Variants in RPAP2 observed in about 807,000 individuals in gnomAD.
The protein encoded by RPAP2 is putative RNA polymerase II subunit B1 CTD phosphatase RPAP2.
RPAP2 carries 52 observed loss-of-function variants against 73.1 expected under a neutral mutation model. The observed-to-expected ratio is 0.71, with a 90% CI of 0.57 to 0.90. The LOEUF is 0.90. RPAP2 is among the 40% of genes least tolerant of loss of function. The pLI is 0.00. For synonymous variants in RPAP2, 225 were observed against 242.1 expected (o/e 0.93, Z 0.65); for missense variants, 598 against 701.8 (o/e 0.85, Z 1.67).
chr1:92,357,323 T>C (rs983992419), intron 11 of RPAP2, among the ~76,000 whole-genome samples: 1 of 152,130 alleles, frequency 6.6e-6, no homozygotes, highest in African/African-American at 2.4e-5. Flanking sequence ...CAAAATATTG[T>C]TGGGATTCAT....
chr1:92,308,354 G>A (rs1467000737), intron 6 of RPAP2, among the ~76,000 whole-genome samples: 4 of 152,166 alleles, frequency 2.6e-5, no homozygotes. Context: ...GGCATTGTTC[G>A]ACATGACTGG....
chr1:92,355,675 A>G (rs1654427439), intron 11 of RPAP2, among the ~76,000 whole-genome samples: 2 of 152,214 alleles, frequency 1.3e-5, no homozygotes. Flanking sequence ...ACTTTAGTTG[A>G]CATTATACAG....
chr1:92,381,879 CA>C (rs1655653898), intron 12 of RPAP2, among the ~76,000 whole-genome samples: 1 of 151,704 alleles, frequency 6.6e-6, no homozygotes, highest in Admixed American at 6.6e-5. Context: ...ATTAATTTGT[CA>C]TTTAACATTA....
Position 92,301,660 on chromosome 1 carries a change from C to T in RPAP2, c.234+70C>T, listed in dbSNP as rs561275024. The T allele has an allele frequency of 5.2e-6, 3 of 576,424 alleles. No individual in the cohort carries two copies. In the African/African-American group the frequency reaches 5.9e-5, roughly 11 times the overall value. The allele number at this position is 576,424 out of a possible 1,614,324, so 35.7% of individuals were successfully genotyped here. A position where few individuals can be genotyped will look rare whatever the true frequency, so the allele number is the denominator to read the frequency against. On this transcript the variant is annotated intron_variant, in intron 3 of 12. Coordinates refer to ENST00000610020, the MANE Select transcript of RPAP2 (RefSeq NM_024813.3). ...TTTAAATCTGTGCAGCATGAAACTTCTTTGCATTATTAGAATCTTTGAATT... is the reference window on the plus strand; with the variant it reads ...TTTAAATCTGTGCAGCATGAAACTTTTTTGCATTATTAGAATCTTTGAATT...
chr1:92,338,042 TTAC>T (rs1653376374), intron 10 of RPAP2, among the ~76,000 whole-genome samples: 1 of 152,218 alleles, frequency 6.6e-6, no homozygotes. Context: ...TTGAAAGTTA[TTAC>T]TGATTGTTTT....
chr1:92,343,194 T>C (rs1653695107), intron 10 of RPAP2, among the ~76,000 whole-genome samples: 1 of 152,132 alleles, frequency 6.6e-6, no homozygotes, highest in African/African-American at 2.4e-5. Context: ...AGTGAAAACC[T>C]GGTAAAGAAA....
chr1:92,336,656 A>G (rs1571082378), intron 10 of RPAP2, among the ~76,000 whole-genome samples: 1 of 152,288 alleles, frequency 6.6e-6, no homozygotes, highest in East Asian at 1.9e-4. Flanking sequence ...TTATTTACGG[A>G]ATAGCCTAAA....
chr1:92,397,659 A>G lies in RPAP2; in HGVS notation c.*10648A>G, dbSNP rs1265247838. The G allele has an allele frequency of 1.3e-5, 2 of 152,240 alleles. No individual in the cohort carries two copies. Among genetic ancestry groups the G allele is most frequent in the African/African-American group, 4.8e-5 (2 of 41,474 alleles). 9.4% of individuals were successfully genotyped at this position (152,240 alleles called of 1,614,324 possible). A position where few individuals can be genotyped will look rare whatever the true frequency, so the allele number is the denominator to read the frequency against. On this transcript the variant is annotated 3_prime_UTR_variant, in exon 13 of 13. Transcript: ENST00000610020. ...GTTTGGGAGGACTGAAGCAGAATTCAGTTCAAAGTACTGTGCTGGATTTTG... is the reference window on the plus strand; with the variant it reads ...GTTTGGGAGGACTGAAGCAGAATTCGGTTCAAAGTACTGTGCTGGATTTTG...
chr1:92,335,869 T>C (rs566050784), intron 9 of RPAP2, among the ~76,000 whole-genome samples: 6 of 152,146 alleles, frequency 3.9e-5, no homozygotes, highest in African/African-American at 1.4e-4. Flanking sequence ...TTTCCTTAGA[T>C]TAAATTTTTT....
intron 11 of RPAP2, among the ~76,000 whole-genome samples, chr1:92,361,384 T>C (rs1376243379): frequency 6.6e-6 from 1 of 152,176 alleles, no homozygotes; most frequent in African/African-American, 2.4e-5. Context: ...ATTCAGTGAA[T>C]ATTTGTTGAT....
At chr1:92,303,948 G>A (rs1174634232) in intron 3 of RPAP2, 29 bp from the exon 4 acceptor site, 1 of 1,453,744 alleles carries the variant, frequency 6.9e-7, no homozygotes, top group Admixed American at 1.9e-5. Context: ...ATTAAACTAG[G>A]AGGAAATAAC....
intron 11 of RPAP2, among the ~76,000 whole-genome samples, chr1:92,357,641 T>C (rs183245681): frequency 6.6e-6 from 1 of 152,292 alleles, no homozygotes; most frequent in Admixed American, 6.5e-5. Context: ...AAGTGATTCT[T>C]GTGCCTCATC....
intron 11 of RPAP2, among the ~76,000 whole-genome samples, chr1:92,365,356 C>CGT (rs1654892312): frequency 6.6e-6 from 1 of 151,898 alleles, no homozygotes; most frequent in Admixed American, 6.6e-5. Flanking sequence ...CAGTTGTTTT[C>CGT]AATACTGGCT....
intron 6 of RPAP2, among the ~76,000 whole-genome samples, chr1:92,318,990 T>A (rs1652089329): frequency 6.6e-6 from 1 of 151,460 alleles, no homozygotes; most frequent in Non-Finnish European, 1.5e-5. Context: ...CAAAGGATTG[T>A]TTGTTTGTTT....
intron 2 of RPAP2, among the ~76,000 whole-genome samples, chr1:92,301,210 G>A (rs536216932): frequency 6.6e-6 from 1 of 152,346 alleles, no homozygotes; most frequent in South Asian, 2.1e-4. Flanking sequence ...TTGGCCGGAT[G>A]TGGTGGCTTA....
At chr1:92,381,787 T>C (rs1261527334) in intron 12 of RPAP2, among the ~76,000 whole-genome samples, 2 of 151,940 alleles carry the variant, frequency 1.3e-5, no homozygotes, top group Non-Finnish European at 2.9e-5. Context: ...ATTATTATTA[T>C]ACTTTAAGTT....
rs58610684 is a variant in RPAP2, at chr1:92,354,890, A to AATTATTATTATT, written c.1688+8995_1688+9006dup. Among the ~76,000 whole-genome samples the AATTATTATTATT allele has an allele frequency of 3.7e-4, 54 of 147,686 alleles. No homozygotes were observed. The South Asian group carries it at 4.3e-3, about 12-fold the overall frequency. On this transcript the variant is annotated intron_variant, in intron 11 of 12. Transcript: ENST00000610020. ...AATAAATGCAATTTTAATTTATGTAAATTATTATTATTATTATTATTATTA... is the reference window on the plus strand; with the variant it reads ...AATAAATGCAATTTTAATTTATGTAAATTATTATTATTATTATTATTATTATTATTATTATTA...
intron 6 of RPAP2, 135 bp from the exon 7 acceptor site, chr1:92,320,464 G>T: frequency 1.7e-6 from 1 of 587,148 alleles, no homozygotes; most frequent in South Asian, 2.3e-5. Context: ...GTAGAGATGG[G>T]GTTTCACCAT....
rs1049391135 is a variant in RPAP2 at position 92,391,595 on chromosome 1, C to G, written c.*4584C>G. 1 of 152,016 alleles carries G rather than the reference C, an allele frequency of 6.6e-6. No homozygotes were observed. Among genetic ancestry groups the G allele is most frequent in the Non-Finnish European group, 1.5e-5 (1 of 68,014 alleles). 9.4% of individuals were successfully genotyped at this position (152,016 alleles called of 1,614,324 possible). ...TTCAAAAAATCAGTGAATCCAGGAG[C>G]TAGTTTTTTGAAAAGATCAACAAAA... On this transcript the variant is annotated 3_prime_UTR_variant, in exon 13 of 13. Coordinates refer to ENST00000610020, the MANE Select transcript of RPAP2 (RefSeq NM_024813.3).
Sources: gnomAD v4.1 joint callset for allele counts (sites outside exome capture counted in the v4.1 genomes callset) on GRCh38, gnomAD v4.1.1 for gene constraint, MANE v1.5 for transcripts, NCBI Gene and HGNC (gene_info 2026-07-23, HGNC 2026-07-21) for gene names.